The following APBB2 variants were observed in gnomAD, a reference collection of about 807,000 sequenced individuals.
APBB2 encodes amyloid beta precursor protein binding family B member 2.
In APBB2, 38 loss-of-function variants were observed where a neutral mutation model predicts 82.5. That is an observed-to-expected ratio of 0.46 (90% confidence interval 0.36 to 0.60). The LOEUF (loss-of-function observed/expected upper bound fraction) is 0.60. APBB2 is among the 20% of genes least tolerant of loss of function. The probability of loss-of-function intolerance (pLI) is 0.00; values close to 1 mark genes in which losing one functional copy is unlikely to be tolerated. For synonymous variants in APBB2, 341 were observed against 368.2 expected, an observed-to-expected ratio of 0.93 and a Z score of 0.85; for missense variants, 772 against 972.3, an observed-to-expected ratio of 0.79 and a Z score of 2.74.
intron 12 of APBB2, among the ~76,000 whole-genome samples, chr4:40,861,023 G>C (rs1329419319): frequency 6.6e-6 from 1 of 152,060 alleles, no homozygotes; most frequent in Non-Finnish European, 1.5e-5. Flanking sequence ...TGACCAGCTG[G>C]GCAATATAGC....
At chr4:40,840,306 G>A (rs1238858719) in intron 12 of APBB2, among the ~76,000 whole-genome samples, 1 of 152,216 alleles carries the variant, frequency 6.6e-6, no homozygotes, top group East Asian at 1.9e-4. Context: ...TTGACAGTCT[G>A]TACAAGGTCT....
chr4:40,931,417 T>C (rs1784205184), intron 10 of APBB2, among the ~76,000 whole-genome samples: 1 of 152,164 alleles, frequency 6.6e-6, no homozygotes, highest in Non-Finnish European at 1.5e-5. Context: ...ACCACAGGCA[T>C]GGGACACCAC....
chr4:41,066,072 T>TCCAATGGACAGCTCAATG (rs1731681665), intron 3 of APBB2, among the ~76,000 whole-genome samples: 1 of 150,098 alleles, frequency 6.7e-6, no homozygotes, highest in African/African-American at 2.4e-5. Context: ...CTATAAAACT[T>TCCAATGGACAGCTCAATG]TAAAAGCTTG....
chr4:41,185,468 G>A (rs1772645261), intron 1 of APBB2, among the ~76,000 whole-genome samples: 1 of 152,168 alleles, frequency 6.6e-6, no homozygotes, highest in Non-Finnish European at 1.5e-5. Flanking sequence ...ATGCTGTATA[G>A]TAACTGTTCA....
At chr4:41,131,931 T>A (rs1395824904) in intron 2 of APBB2, among the ~76,000 whole-genome samples, 1 of 151,870 alleles carries the variant, frequency 6.6e-6, no homozygotes. Context: ...TCCCAGCTAC[T>A]CAGGAGGCTG....
intron 10 of APBB2, among the ~76,000 whole-genome samples, chr4:40,931,124 T>C (rs1383202573): frequency 6.6e-6 from 1 of 152,148 alleles, no homozygotes; most frequent in Non-Finnish European, 1.5e-5. Context: ...ACTGCAAGAA[T>C]GTAAAGGGTC....
At chr4:41,134,362 A>G (rs1473293107) in intron 2 of APBB2, among the ~76,000 whole-genome samples, 7 of 152,006 alleles carry the variant, frequency 4.6e-5, no homozygotes, top group South Asian at 2.1e-4. Context: ...GGCTGATCAC[A>G]AGGTCAGGAG....
chr4:41,201,252 AT>A (rs1580797938), intron 1 of APBB2, among the ~76,000 whole-genome samples: 1 of 152,222 alleles, frequency 6.6e-6, no homozygotes, highest in African/African-American at 2.4e-5. Flanking sequence ...TCCCAAGCCT[AT>A]CAAACTGTAA....
In APBB2 at chr4:41,119,767, T is replaced by C. The variant is rs572073833; in HGVS notation, c.-260-19017A>G. On this transcript the variant is annotated intron_variant, in intron 2 of 17. Transcript: ENST00000508593. Reference sequence around the variant, plus strand: ...ACTGCATTTGTGAGATCTGCACATATAAAAAGTCTACCACATATAAAAACC... The same window carrying C: ...ACTGCATTTGTGAGATCTGCACATACAAAAAGTCTACCACATATAAAAACC... Among the ~76,000 whole-genome samples the C allele has an allele frequency of 3.3e-5, 5 of 152,270 alleles. 1 individual carries two copies. The highest frequency in any genetic ancestry group is 9.6e-5 in the African/African-American group (4 of 41,544).
chr4:40,974,212 C>A (rs899691610), intron 6 of APBB2, among the ~76,000 whole-genome samples: 1 of 144,010 alleles, frequency 6.9e-6, no homozygotes, highest in Non-Finnish European at 1.5e-5. Flanking sequence ...ATGACCTTAC[C>A]TTAACTTGAT....
chr4:41,018,612 T>C (rs971716836), intron 5 of APBB2, among the ~76,000 whole-genome samples: 7 of 152,184 alleles, frequency 4.6e-5, no homozygotes, highest in Admixed American at 2.0e-4. Context: ...TATCTGTGTA[T>C]ATGTTGAGCC....
chr4:40,974,932 C>T (rs1035245862), intron 6 of APBB2, among the ~76,000 whole-genome samples: 3 of 152,144 alleles, frequency 2.0e-5, no homozygotes, highest in African/African-American at 7.2e-5. Context: ...ACTTACATAC[C>T]CCTTTTATCC....
At chr4:40,865,016 G>A (rs906314430) in intron 12 of APBB2, among the ~76,000 whole-genome samples, 26 of 151,924 alleles carry the variant, frequency 1.7e-4, no homozygotes, top group African/African-American at 6.3e-4. Context: ...GTGCCACCAT[G>A]TCTAGCTAAT....
intron 6 of APBB2, among the ~76,000 whole-genome samples, chr4:41,000,061 A>G (rs9683658): frequency 0.33 from 36,743 of 112,124 alleles, 5,689 homozygotes; most frequent in East Asian, 0.56. Context: ...ATGTATATAT[A>G]TGTGTGTATG....
chr4:41,195,968 G>A, intron 1 of APBB2, among the ~76,000 whole-genome samples: 1 of 152,292 alleles, frequency 6.6e-6, no homozygotes, highest in South Asian at 2.1e-4. Flanking sequence ...AGACCATCCT[G>A]GCTAACACGG....
intron 2 of APBB2, among the ~76,000 whole-genome samples, chr4:41,136,105 C>T (rs1268654886): frequency 1.3e-5 from 2 of 152,234 alleles, no homozygotes; most frequent in African/African-American, 4.8e-5. Flanking sequence ...ACTCAAACTT[C>T]AGTGATTCAA....
At chr4:41,009,543 G>C (rs543800211) in intron 6 of APBB2, among the ~76,000 whole-genome samples, 8 of 152,154 alleles carry the variant, frequency 5.3e-5, no homozygotes, top group African/African-American at 1.9e-4. Context: ...GCATTTTATT[G>C]TATAAATAGC....
chr4:41,074,551 G>A (rs989798138), intron 3 of APBB2, among the ~76,000 whole-genome samples: 5 of 151,882 alleles, frequency 3.3e-5, no homozygotes, highest in Non-Finnish European at 7.4e-5. Flanking sequence ...AGAACATGAG[G>A]CGTCTGAAAC....
chr4:41,079,104 T>C (rs532243707), intron 3 of APBB2, among the ~76,000 whole-genome samples: 1 of 152,304 alleles, frequency 6.6e-6, no homozygotes, highest in Admixed American at 6.5e-5. Context: ...ACCAAGTGTC[T>C]GATCCTGAAG....
Sources: gnomAD v4.1 joint callset for allele counts (sites outside exome capture counted in the v4.1 genomes callset) on GRCh38, gnomAD v4.1.1 for gene constraint, MANE v1.5 for transcripts, NCBI Gene and HGNC (gene_info 2026-07-23, HGNC 2026-07-21) for gene names.